CEACAM18: variants seen among roughly 807,000 people sequenced by gnomAD.
CEACAM18 encodes the protein cell adhesion molecule CEACAM18.
In CEACAM18, 33 loss-of-function variants were observed where a neutral mutation model predicts 34.3. The observed-to-expected ratio is 0.96, with a 90% CI of 0.73 to 1.29. CEACAM18 has a LOEUF of 1.29. CEACAM18 is among the 50% of genes most tolerant of loss of function. CEACAM18 has a pLI of 0.00. For synonymous variants in CEACAM18, 169 were observed against 180.9 expected, an observed-to-expected ratio of 0.93 and a Z score of 0.53; for missense variants, 474 against 485.0, an observed-to-expected ratio of 0.98 and a Z score of 0.21.
chr19:51,487,601 C>T (rs185987205), intron 5 of CEACAM18, among the ~76,000 whole-genome samples: 291 of 152,224 alleles, frequency 1.9e-3, no homozygotes, highest in Admixed American at 2.9e-3. Flanking sequence ...CCCGTCTCTA[C>T]TAAAAATACA....
In CEACAM18 at chr19:51,486,092, CATT is replaced by C. The variant is rs142211020; in HGVS notation, c.1089+974_1089+976del. Among the ~76,000 whole-genome samples the C allele has an allele frequency of 4.9e-4, 74 of 151,910 alleles. No homozygotes were observed. In the East Asian group the frequency reaches 9.1e-3, roughly 19 times the overall value. On this transcript the variant is annotated intron_variant, in intron 5 of 5. Transcript: ENST00000396477. ...TGATGTAGATTAATAGTGGAAATGG[CATT>C]ATTGTGATGGTGATGATGGTGATGA...
Position 51,484,583 on chromosome 19 carries a change from G to A in CEACAM18, c.954-404G>A, listed in dbSNP as rs1184570532. Reference sequence around the variant, plus strand: ...GTGATCCACCTTGGGCGAGCTTTCTGTTTTCCATTTGTCCTCAGTGCTTGG... The same window carrying A: ...GTGATCCACCTTGGGCGAGCTTTCTATTTTCCATTTGTCCTCAGTGCTTGG... On this transcript the variant is annotated intron_variant, in intron 4 of 5. Coordinates refer to ENST00000396477, the Ensembl canonical transcript of CEACAM18. Among the ~76,000 whole-genome samples, 3 of 113,388 alleles carry A rather than the reference G, an allele frequency of 2.6e-5. No individual in the cohort carries two copies. In the Admixed American group the frequency reaches 2.7e-4, roughly 10 times the overall value. 74.4% of individuals were successfully genotyped at this position (113,388 alleles called of 152,430 possible). A position where few individuals can be genotyped will look rare whatever the true frequency, so the allele number is the denominator to read the frequency against.
intron 2 of CEACAM18, among the ~76,000 whole-genome samples, chr19:51,480,969 G>A (rs573309875): frequency 1.3e-5 from 2 of 152,308 alleles, no homozygotes; most frequent in East Asian, 3.9e-4. Context: ...TGTAGAGTGG[G>A]GAGGAACCCA....
chr19:51,481,413 A>G, exon 3 of CEACAM18: 1 of 1,613,914 alleles, frequency 6.2e-7, no homozygotes, highest in Non-Finnish European at 8.5e-7. Context: ...CAATCTGGGC[A>G]TCTCCGTCAA....
chr19:51,486,218 G>A (rs895613302), intron 5 of CEACAM18, among the ~76,000 whole-genome samples: 1 of 152,106 alleles, frequency 6.6e-6, no homozygotes, highest in Non-Finnish European at 1.5e-5. Context: ...TGATGACAAT[G>A]GTGATGATGA....
At chr19:51,480,564 A>G (rs374372954) in exon 2 of CEACAM18, 2 of 1,614,014 alleles carry the variant, frequency 1.2e-6, no homozygotes, top group Non-Finnish European at 1.7e-6. Context: ...GAGAGAGTGA[A>G]CAGAGAAGGC....
exon 4 of CEACAM18, chr19:51,483,113 G>A: frequency 1.9e-6 from 3 of 1,614,014 alleles, no homozygotes; most frequent in Non-Finnish European, 1.7e-6. Flanking sequence ...GAGTGTATCT[G>A]CTATTCCTTC....
chr19:51,480,696 CTG>C lies in CEACAM18; in HGVS notation c.400+20_400+21del, dbSNP rs1989900110. 3 of 1,596,246 alleles carry C rather than the reference CTG, an allele frequency of 1.9e-6. No individual in the cohort carries two copies. Among genetic ancestry groups the C allele is most frequent in the African/African-American group, 2.7e-5 (2 of 74,420 alleles). ...GAGGTTCTAGGTGGGTTAGCAGGTG[CTG>C]TGTTTCCCAACCCCCAAGGAGAGCT... On this transcript the variant is annotated intron_variant, in intron 2 of 5. Coordinates refer to ENST00000396477, the Ensembl canonical transcript of CEACAM18.
At position 51,480,761 on chromosome 19, in the gene CEACAM18, C is replaced by T. The variant is rs1989901175; in HGVS notation, c.400+81C>T. 2.4e-6 allele frequency: 3 copies of T among 1,274,358 alleles called. No individual in the cohort carries two copies. In the East Asian group the frequency reaches 7.1e-5, roughly 30 times the overall value. 78.9% of individuals were successfully genotyped at this position (1,274,358 alleles called of 1,614,324 possible). ...TTTGAGAGAAGGACATTATACAGAG[C>T]ATGACACCGGGAGTGGAAATCACGG... On this transcript the variant is annotated intron_variant, in intron 2 of 5. Transcript: ENST00000396477.
At chr19:51,481,863 G>A (rs1989922191) in intron 3 of CEACAM18, among the ~76,000 whole-genome samples, 198 bp downstream of exon 3, 1 of 152,198 alleles carries the variant, frequency 6.6e-6, no homozygotes, top group African/African-American at 2.4e-5. Context: ...CAGAAACGTG[G>A]TACACTCGAG....
chr19:51,481,994 C>A (rs1464881399), intron 3 of CEACAM18, among the ~76,000 whole-genome samples: 1 of 152,156 alleles, frequency 6.6e-6, no homozygotes, highest in African/African-American at 2.4e-5. Context: ...AATTGATGTT[C>A]AATTATTAAG....
At chr19:51,478,729 G>T in intron 1 of CEACAM18, 35 bp downstream of exon 1, 1 of 1,345,688 alleles carries the variant, frequency 7.4e-7, no homozygotes, top group Non-Finnish European at 9.7e-7. Flanking sequence ...AGCTTCCCAG[G>T]ACTGAGGGAA....
chr19:51,488,361 A>T (rs529484696), intron 5 of CEACAM18, among the ~76,000 whole-genome samples: 1 of 152,296 alleles, frequency 6.6e-6, no homozygotes, highest in Non-Finnish European at 1.5e-5. Context: ...AGCTTACTTT[A>T]TCCCCATAGG....
At chr19:51,491,179 A>G (rs1990088002), downstream of CEACAM18, among the ~76,000 whole-genome samples, 1 of 151,396 alleles carries the variant, frequency 6.6e-6, no homozygotes, top group Non-Finnish European at 1.5e-5. Context: ...CATCGTCAGC[A>G]TGATTAGCAC....
chr19:51,489,671 C>T lies in CEACAM18; in HGVS notation c.1090-916C>T, dbSNP rs1055003736. 9.2e-5 allele frequency among the ~76,000 whole-genome samples: 14 copies of T among 152,104 alleles called. 1 individual carries two copies. The highest frequency in any genetic ancestry group is 6.2e-4 in the South Asian group (3 of 4,816). ...ACCATACAGTGAGATAGCAGGCAAT[C>T]GGCCTGACTGTGCTTTACTTGCCAT... On this transcript the variant is annotated intron_variant, in intron 5 of 5. Coordinates refer to ENST00000396477, the Ensembl canonical transcript of CEACAM18.
At chr19:51,488,952 TC>T (rs368008495) in intron 5 of CEACAM18, among the ~76,000 whole-genome samples, 34 of 152,132 alleles carry the variant, frequency 2.2e-4, no homozygotes, top group African/African-American at 8.2e-4. Context: ...TCAGTTTTTT[TC>T]CTTCTGATTT....
intron 5 of CEACAM18, among the ~76,000 whole-genome samples, chr19:51,489,377 C>T (rs1210642697): frequency 6.6e-6 from 1 of 151,710 alleles, no homozygotes; most frequent in Non-Finnish European, 1.5e-5. Flanking sequence ...TTTCAGCTCC[C>T]CTTCTCCCTC....
intron 5 of CEACAM18, among the ~76,000 whole-genome samples, chr19:51,488,785 T>G (rs1163908176): frequency 3.3e-5 from 5 of 152,190 alleles, no homozygotes; most frequent in African/African-American, 4.8e-5. Context: ...GAATCCCTCC[T>G]CATTCCCCTA....
intron 1 of CEACAM18, among the ~76,000 whole-genome samples, chr19:51,479,227 G>A (rs1008730417): frequency 1.3e-5 from 2 of 152,090 alleles, no homozygotes; most frequent in African/African-American, 4.8e-5. Flanking sequence ...GTGTCCATAC[G>A]TGAGGCCTAG....
Sources: allele counts gnomAD v4.1 joint callset (sites outside exome capture counted in the v4.1 genomes callset), GRCh38; gene constraint gnomAD v4.1.1; transcripts MANE v1.5; gene names NCBI Gene and HGNC (gene_info 2026-07-23, HGNC 2026-07-21).